The following CCDC125 variants were observed in gnomAD, a reference collection of about 807,000 sequenced individuals.
CCDC125 encodes coiled-coil domain-containing protein 125.
A neutral mutation model predicts 57.4 loss-of-function variants in CCDC125; 43 were observed. The observed-to-expected ratio is 0.75, with a 90% CI of 0.59 to 0.97. CCDC125 has a LOEUF of 0.97. Ranked by LOEUF, CCDC125 falls within the 50% of genes least tolerant of loss-of-function variation. The pLI is 0.00. For synonymous variants in CCDC125, 187 were observed against 195.2 expected (o/e 0.96, Z 0.35); for missense variants, 563 against 595.7 (o/e 0.95, Z 0.57).
At position 69,294,917 on chromosome 5, in the gene CCDC125, A is replaced by G. The variant is rs1224969157; in HGVS notation, c.817-17T>C. 1.2e-6 allele frequency: 2 copies of G among 1,601,846 alleles called. No individual in the cohort carries two copies. Among genetic ancestry groups the G allele is most frequent in the Non-Finnish European group, 1.7e-6 (2 of 1,169,834 alleles). On this transcript the variant is annotated splice_polypyrimidine_tract_variant and intron_variant, in intron 8 of 11. Coordinates refer to ENST00000396496, the MANE Select transcript of CCDC125 (RefSeq NM_176816.5). ...GACCGCAAGCTTTAAATTGAAAAGC[A>G]TTGCTCCTGTTATTAAGTGTCACAC... is the stretch of plus-strand genomic sequence containing the variant.
At chr5:69,320,741 C>T (rs1456054653) in intron 1 of CCDC125, among the ~76,000 whole-genome samples, 161 bp from the exon 2 acceptor site, 1 of 151,950 alleles carries the variant, frequency 6.6e-6, no homozygotes, top group East Asian at 1.9e-4. Context: ...TGGAATCAAC[C>T]TAAGTGTCCA....
intron 9 of CCDC125, among the ~76,000 whole-genome samples, chr5:69,293,242 G>A (rs1754766247): frequency 6.6e-6 from 1 of 152,124 alleles, no homozygotes; most frequent in Non-Finnish European, 1.5e-5. Flanking sequence ...AGGCTCAAGT[G>A]ATTCTCCCAC....
intron 1 of CCDC125, among the ~76,000 whole-genome samples, chr5:69,321,387 T>C (rs2150611423): frequency 6.6e-6 from 1 of 152,238 alleles, no homozygotes; most frequent in South Asian, 2.1e-4. Context: ...TGTCACCTAA[T>C]GATGGGAATA....
chr5:69,304,821 C>A (rs1423202043), intron 6 of CCDC125, among the ~76,000 whole-genome samples: 1 of 152,100 alleles, frequency 6.6e-6, no homozygotes, highest in Non-Finnish European at 1.5e-5. Flanking sequence ...TACTTAATAA[C>A]CATTTGAATT....
intron 2 of CCDC125, 150 bp downstream of exon 2, chr5:69,320,087 C>A: frequency 1.3e-6 from 1 of 757,188 alleles, no homozygotes; most frequent in South Asian, 1.8e-5. Flanking sequence ...CGTGCCACTG[C>A]ACTCCAGCCT....
At chr5:69,295,632 ATCT>A (rs767904401) in intron 8 of CCDC125, among the ~76,000 whole-genome samples, 10 of 152,158 alleles carry the variant, frequency 6.6e-5, no homozygotes, top group Non-Finnish European at 1.2e-4. Flanking sequence ...TAGCTGTCTT[ATCT>A]TCTTATACCT....
chr5:69,280,017 T>A (rs1412000702), downstream of CCDC125, among the ~76,000 whole-genome samples: 1 of 152,014 alleles, frequency 6.6e-6, no homozygotes, highest in Non-Finnish European at 1.5e-5. Flanking sequence ...GAACTCACAA[T>A]CATGAGAACA....
chr5:69,309,684 G>A (rs1404321227), intron 4 of CCDC125: 1 of 152,276 alleles, frequency 6.6e-6, no homozygotes, highest in Non-Finnish European at 1.5e-5. Context: ...CTGCCTAGTG[G>A]AGCTATGAGA....
chr5:69,301,003 C>T (rs1325950073), intron 7 of CCDC125, among the ~76,000 whole-genome samples: 1 of 148,762 alleles, frequency 6.7e-6, no homozygotes, highest in South Asian at 2.3e-4. Flanking sequence ...GGGATCCTCT[C>T]ACCTTAACCT....
intron 2 of CCDC125, among the ~76,000 whole-genome samples, chr5:69,318,811 C>T (rs1183108207): frequency 6.6e-6 from 1 of 151,738 alleles, no homozygotes. Flanking sequence ...AAAAATGTCA[C>T]CTCCTTACAG....
chr5:69,315,462 C>CAAAAAAAAAAAAA (rs1227842099), intron 2 of CCDC125, among the ~76,000 whole-genome samples: 1 of 24,680 alleles, frequency 4.1e-5, no homozygotes, highest in African/African-American at 9.4e-5. Context: ...AAAAAAAAAA[C>CAAAAAAAAAAAAA]AAAAAAAAAA....
At chr5:69,318,142 T>C (rs1038210066) in intron 2 of CCDC125, among the ~76,000 whole-genome samples, 3 of 151,662 alleles carry the variant, frequency 2.0e-5, no homozygotes, top group African/African-American at 7.3e-5. Context: ...CCACCATGCC[T>C]GGCTAATTTT....
At chr5:69,306,554 C>T (rs1324102205) in intron 6 of CCDC125, among the ~76,000 whole-genome samples, 1 of 152,170 alleles carries the variant, frequency 6.6e-6, no homozygotes, top group Non-Finnish European at 1.5e-5. Flanking sequence ...TCTCAAATTC[C>T]TGGACTCAAG....
chr5:69,313,446 C>T (rs530525616), intron 3 of CCDC125: 59 of 1,361,626 alleles, frequency 4.3e-5, no homozygotes, highest in Admixed American at 8.4e-5. Context: ...GGTCCTTGAC[C>T]TCCTCATAGT....
rs141033017 is a variant in CCDC125 at position 69,288,371 on chromosome 5, T to C, written c.1100-2904A>G. The stretch of plus-strand genomic sequence containing the variant: ...GAAGCGAGAGGGGCTGAAGGTTGAG[T>C]TGATTACCAATGGCCAATGATGTAA... On this transcript the variant is annotated intron_variant, in intron 10 of 11. Transcript: ENST00000396496. Among the ~76,000 whole-genome samples the C allele has an allele frequency of 2.1e-3, 325 of 152,240 alleles. 2 individuals carry two copies. The highest frequency in any genetic ancestry group is 7.2e-3 in the African/African-American group (300 of 41,544).
chr5:69,284,253 TATAAA>T (rs1425982845), intron 11 of CCDC125, among the ~76,000 whole-genome samples: 1 of 152,216 alleles, frequency 6.6e-6, no homozygotes, highest in Non-Finnish European at 1.5e-5. Context: ...CGTGCATATT[TATAAA>T]ATAATGTTGA....
At position 69,285,433 on chromosome 5, in the gene CCDC125, C is replaced by T; in HGVS notation, c.1134G>A (p.Gly378=). Reference sequence around the variant, plus strand: ...AAGGGAGCATACCCAACAGTCTCTGCCCGAAGGTCTTCTTACTCCTTGGTG... The same window carrying T: ...AAGGGAGCATACCCAACAGTCTCTGTCCGAAGGTCTTCTTACTCCTTGGTG... ...FPSPRSKKTF[G]QRLLGMLPSE... Residue 378 remains glycine, a synonymous_variant, in exon 11 of 12, where the codon GGG becomes GGA. Coordinates refer to ENST00000396496, the MANE Select transcript of CCDC125 (RefSeq NM_176816.5). The T allele has an allele frequency of 6.2e-7, 1 of 1,607,692 alleles. No homozygotes were observed. The highest frequency in any genetic ancestry group is 1.7e-5 in the Admixed American group (1 of 57,880).
At chr5:69,297,926 T>C (rs998051572) in intron 8 of CCDC125, among the ~76,000 whole-genome samples, 2 of 151,702 alleles carry the variant, frequency 1.3e-5, no homozygotes, top group Admixed American at 6.6e-5. Flanking sequence ...TGAGCCATGA[T>C]TGTGCCACTG....
At position 69,320,238 on chromosome 5, in the gene CCDC125, A is replaced by T; in HGVS notation, c.303T>A (p.Thr101=). 6.2e-7 allele frequency: 1 copy of T among 1,610,954 alleles called. No individual in the cohort carries two copies. The highest frequency in any genetic ancestry group is 8.5e-7 in the Non-Finnish European group (1 of 1,177,898). ...RISNYRRQSS[T]VDSNSELSNE... ...GGAGAGGAAATTCAGCATTCTTACCAGTGCTACTTTGTCGTCTGTAATTGG... is the reference window on the plus strand; with the variant it reads ...GGAGAGGAAATTCAGCATTCTTACCTGTGCTACTTTGTCGTCTGTAATTGG... The change falls in exon 2 of 12, where the codon ACT becomes ACA. Residue 101 remains threonine (T), a splice_region_variant and synonymous_variant. Transcript: ENST00000396496.
Sources: gnomAD v4.1 joint callset for allele counts (sites outside exome capture counted in the v4.1 genomes callset) on GRCh38, gnomAD v4.1.1 for gene constraint, MANE v1.5 for transcripts, NCBI Gene and HGNC (gene_info 2026-07-23, HGNC 2026-07-21) for gene names.